CEP295NL: variants seen among roughly 807,000 people sequenced by gnomAD.
CEP295NL encodes the protein CEP295 N-terminal like, also known as protein DDC8 homolog.
In CEP295NL, 3 loss-of-function variants were observed where a neutral mutation model predicts 4.6. The ratio of observed to expected loss-of-function variants is 0.65; its 90% confidence interval spans 0.30 to 1.69. The LOEUF (loss-of-function observed/expected upper bound fraction) is 1.69. Among genes scored for constraint, CEP295NL ranks in the 40% most tolerant of loss-of-function variants. The pLI is 0.10. For missense variants in CEP295NL, 719 were observed against 769.0 expected, an observed-to-expected ratio of 0.93 and a Z score of 0.77; for synonymous variants, 295 against 312.2, an observed-to-expected ratio of 0.94 and a Z score of 0.58.
At chr17:78,899,821 A>C (rs2070062598) in intron 2 of CEP295NL, 1 of 152,226 alleles carries the variant, frequency 6.6e-6, no homozygotes, top group Non-Finnish European at 1.5e-5. Context: ...CAACCCTCCA[A>C]GGGAACAAAG....
intron 1 of CEP295NL, 51 bp downstream of exon 1, chr17:78,903,083 G>A (rs974730654): frequency 6.6e-6 from 1 of 152,364 alleles, no homozygotes; most frequent in Non-Finnish European, 1.5e-5. Flanking sequence ...CCACAGATGG[G>A]AACAGACACA....
Position 78,890,782 on chromosome 17 carries a change from T to C in CEP295NL, c.1722A>G (p.Pro574=), listed in dbSNP as rs1314338187. The change falls in exon 3 of 3, where the codon CCA becomes CCG. Residue 574 remains proline (P), a synonymous_variant. Transcript: ENST00000322630. ...CGTCGTCGGCGAGGCTGGTGCCCGA[T>C]GGGGAAGTGGTGCTGAGCTCAGATC... is the stretch of plus-strand genomic sequence containing the variant. ...ERGSELSTTS[P]SGTSLADDDR... 6.4e-7 allele frequency: 1 copy of C among 1,550,602 alleles called. No homozygotes were observed. Among genetic ancestry groups the C allele is most frequent in the Non-Finnish European group, 8.7e-7 (1 of 1,147,002 alleles).
rs563902985 is a variant in CEP295NL at position 78,900,327 on chromosome 17, C to T, written c.44+1458G>A. Among the ~76,000 whole-genome samples the T allele has an allele frequency of 9.9e-5, 15 of 152,272 alleles. 1 individual carries two copies. The highest frequency in any genetic ancestry group is 3.6e-4 in the African/African-American group (15 of 41,544). On this transcript the variant is annotated intron_variant, in intron 2 of 2. Coordinates refer to ENST00000322630, the MANE Select transcript of CEP295NL (RefSeq NM_001243540.2). ...TTGGGAGGCTGAGGTGGCTGGATCA[C>T]CTCACGACAGGAGTTCGAGACCAGC...
intron 2 of CEP295NL, among the ~76,000 whole-genome samples, chr17:78,895,739 AC>A (rs1185772810): frequency 5.3e-5 from 8 of 152,268 alleles, no homozygotes; most frequent in Middle Eastern, 6.8e-3. Flanking sequence ...ACCAAAGACC[AC>A]CAGGAACGGC....
chr17:78,902,061 T>A (rs947963414), intron 1 of CEP295NL, 135 bp from the exon 2 acceptor site: 12 of 506,908 alleles, frequency 2.4e-5, no homozygotes, highest in Non-Finnish European at 3.9e-5. Flanking sequence ...TTCGCCCTCT[T>A]CTCCCCAACT....
chr17:78,897,626 CAGG>C (rs2070023817), intron 2 of CEP295NL: 1 of 152,324 alleles, frequency 6.6e-6, no homozygotes, highest in African/African-American at 2.4e-5. Context: ...GTTGTATCCC[CAGG>C]AGAAGGACCC....
At chr17:78,901,186 A>C (rs1038314049) in intron 2 of CEP295NL, 1 of 153,930 alleles carries the variant, frequency 6.5e-6, no homozygotes. Flanking sequence ...GTGGTGCTGG[A>C]TTCCACGCAC....
At chr17:78,895,653 G>A (rs969153652) in intron 2 of CEP295NL, among the ~76,000 whole-genome samples, 22 of 152,194 alleles carry the variant, frequency 1.4e-4, no homozygotes, top group Admixed American at 1.4e-3. Context: ...GAGAAGGCCT[G>A]AGTCCACAAA....
rs1360985264 is a variant in CEP295NL, at chr17:78,891,986, GC to G, written c.517del (p.Ala173ProfsTer41). On this transcript the variant is annotated frameshift_variant, in exon 3 of 3. Coordinates refer to ENST00000322630, the MANE Select transcript of CEP295NL (RefSeq NM_001243540.2). LOFTEE classifies it low-confidence loss of function (END_TRUNC). The surrounding 1 kb of genome is among the most constrained non-coding windows in gnomAD (Gnocchi z 4.5). ...PPRAKEKHRA[A>X]LSEERSCREE... ...CCTGCAACTCCTCTCTTCACTAAGG[GC>G]TGCTCTATGCTTCTCCTTGGCCCTC... 6 of 1,550,662 alleles carry G rather than the reference GC, an allele frequency of 3.9e-6. No homozygotes were observed. The highest frequency in any genetic ancestry group is 8.7e-7 in the Non-Finnish European group (1 of 1,147,014).
intron 2 of CEP295NL, among the ~76,000 whole-genome samples, chr17:78,900,565 T>C (rs2070075487): frequency 6.6e-6 from 1 of 151,932 alleles, no homozygotes; most frequent in African/African-American, 2.4e-5. Context: ...AAAAATGTGT[T>C]TTTTAATAAA....
intron 2 of CEP295NL, among the ~76,000 whole-genome samples, chr17:78,901,451 G>A (rs1208128844): frequency 6.6e-6 from 1 of 152,100 alleles, no homozygotes; most frequent in Non-Finnish European, 1.5e-5. Flanking sequence ...GGAGGAGGGC[G>A]GTAAGGACGG....
intron 2 of CEP295NL, 108 bp downstream of exon 2, chr17:78,901,677 C>A (rs1179452372): frequency 7.0e-5 from 50 of 713,748 alleles, no homozygotes; most frequent in Non-Finnish European, 1.1e-4. Context: ...CCTCAGTTTG[C>A]TCTTTAGGAT....
At position 78,891,660 on chromosome 17, in the gene CEP295NL, C is replaced by CAAA; in HGVS notation, c.843_844insTTT (p.Leu281_Gly282insPhe). On this transcript the variant is annotated inframe_insertion, in exon 3 of 3. Transcript: ENST00000322630. This position sits in a 1 kb window ranked among gnomAD's most constrained non-coding sequence, Gnocchi z 4.5. ...GGAACAAAGCAAACTGCCCCCTTTC[C>CAAA]CAGTTGCCTCCTCCCCGCCCGAGCT... 1 of 1,551,036 alleles carries CAAA rather than the reference C, an allele frequency of 6.4e-7. No individual in the cohort carries two copies. The highest frequency in any genetic ancestry group is 8.7e-7 in the Non-Finnish European group (1 of 1,147,108).
At chr17:78,900,015 C>T (rs1052221131) in intron 2 of CEP295NL, 9 of 152,112 alleles carry the variant, frequency 5.9e-5, no homozygotes, top group Non-Finnish European at 1.3e-4. Context: ...CTGTCTAAGG[C>T]GCCTACGTAG....
chr17:78,891,509 C>A lies in CEP295NL; in HGVS notation c.995G>T (p.Arg332Leu). Reference sequence around the variant, plus strand: ...CTCTTTCTGCCACTTGTTCTTCTCCCGGAGCGTGCACTGAGATGCTGGGGA... The same window carrying A: ...CTCTTTCTGCCACTTGTTCTTCTCCAGGAGCGTGCACTGAGATGCTGGGGA... ...AVSPASQCTLREKNKWQKELE... is the reference protein window; with the variant it reads ...AVSPASQCTLLEKNKWQKELE... Residue 332 changes from arginine to leucine, a missense_variant, in exon 3 of 3, where the codon CGG becomes CTG. By Grantham distance (102) the Arg-to-Leu change is moderately radical. Transcript: ENST00000322630. The surrounding 1 kb of genome is among the most constrained non-coding windows in gnomAD (Gnocchi z 4.5). 6.4e-7 allele frequency: 1 copy of A among 1,551,138 alleles called. No homozygotes were observed. Among genetic ancestry groups the A allele is most frequent in the Non-Finnish European group, 8.7e-7 (1 of 1,147,126 alleles).
chr17:78,891,002 G>T lies in CEP295NL; in HGVS notation c.1502C>A (p.Ser501Tyr). 1 of 1,551,168 alleles carries T rather than the reference G, an allele frequency of 6.4e-7. No individual in the cohort carries two copies. Among genetic ancestry groups the T allele is most frequent in the Non-Finnish European group, 8.7e-7 (1 of 1,147,152 alleles). The change falls in exon 3 of 3, where the codon TCC becomes TAC. Residue 501 changes from serine (S) to tyrosine (Y), a missense_variant. Coordinates refer to ENST00000322630, the MANE Select transcript of CEP295NL (RefSeq NM_001243540.2). The surrounding 1 kb of genome is among the most constrained non-coding windows in gnomAD (Gnocchi z 4.5). Reference sequence around the variant, plus strand: ...CATCTCTGCTTTCTGCCTTTGCCTGGATGCCGTCGAGCCCACTCTGTCTGC... The same window carrying T: ...CATCTCTGCTTTCTGCCTTTGCCTGTATGCCGTCGAGCCCACTCTGTCTGC... ...DQADRVGSTASRQRQKAEMEQ... is the reference protein window; with the variant it reads ...DQADRVGSTAYRQRQKAEMEQ...
rs140599940 is a variant in CEP295NL at position 78,891,995 on chromosome 17, T to C, written c.509A>G (p.His170Arg). The C allele has an allele frequency of 1.7e-5, 27 of 1,550,582 alleles. No individual in the cohort carries two copies. The highest frequency in any genetic ancestry group is 4.8e-5 in the South Asian group (4 of 84,060). Residue 170 changes from histidine (H) to arginine (R), a missense_variant, in exon 3 of 3, where the codon CAT becomes CGT. By Grantham distance (29) the His-to-Arg change is conservative. Transcript: ENST00000322630. The surrounding 1 kb of genome is among the most constrained non-coding windows in gnomAD (Gnocchi z 4.5). Reference protein sequence around the residue: ...SARPPRAKEKHRAALSEERSC... With the variant: ...SARPPRAKEKRRAALSEERSC... Reference sequence around the variant, plus strand: ...CCTCTCTTCACTAAGGGCTGCTCTATGCTTCTCCTTGGCCCTCGGGGGCCT... The same window carrying C: ...CCTCTCTTCACTAAGGGCTGCTCTACGCTTCTCCTTGGCCCTCGGGGGCCT...
At chr17:78,902,094 C>CG (rs1568004773) in intron 1 of CEP295NL, among the ~76,000 whole-genome samples, 168 bp from the exon 2 acceptor site, 1 of 152,154 alleles carries the variant, frequency 6.6e-6, no homozygotes, top group East Asian at 1.9e-4. Context: ...CCAGTGGTGG[C>CG]GGGGGGACGG....
At position 78,892,179 on chromosome 17, in the gene CEP295NL, G is replaced by A. The variant is rs544853919; in HGVS notation, c.325C>T (p.Arg109Cys). ...CCTCTCCTCAACTCCTCAGCCAAGC[G>A]CTGGAGCTGGTAGTTTTTCCACAGC... ...AKLWKNYQLQ[R>C]LAEELRRGYQ... The change falls in exon 3 of 3, where the codon CGC (arginine) becomes TGC (cysteine). Residue 109 changes from arginine (R) to cysteine (C), a missense_variant. Physicochemically the swap from Arg to Cys is radical, Grantham distance 180. Coordinates refer to ENST00000322630, the MANE Select transcript of CEP295NL (RefSeq NM_001243540.2). The A allele has an allele frequency of 5.5e-5, 85 of 1,550,948 alleles. No individual in the cohort carries two copies. The highest frequency in any genetic ancestry group is 3.2e-4 in the East Asian group (13 of 40,912).
Sources: gnomAD v4.1 joint callset for allele counts (sites outside exome capture counted in the v4.1 genomes callset) on GRCh38, gnomAD v4.1.1 for gene constraint, Gnocchi (gnomAD v3.1) non-coding constraint, MANE v1.5 for transcripts, NCBI Gene and HGNC (gene_info 2026-07-23, HGNC 2026-07-21) for gene names.